LUZP2: variants seen among roughly 807,000 people sequenced by gnomAD.
LUZP2 encodes the protein leucine zipper protein 2.
In LUZP2, 52 loss-of-function variants were observed where a neutral mutation model predicts 51.6. The observed-to-expected ratio is 1.01, with a 90% CI of 0.81 to 1.27. The LOEUF (loss-of-function observed/expected upper bound fraction) is 1.27. Ranked by LOEUF, LUZP2 falls within the 50% of genes most tolerant of loss-of-function variation. The pLI is 0.00. For synonymous variants in LUZP2, 154 were observed against 137.3 expected (o/e 1.12, Z -0.85); for missense variants, 436 against 395.4 (o/e 1.10, Z -0.87).
chr11:24,706,073 A>T (rs1438906798), intron 1 of LUZP2, among the ~76,000 whole-genome samples: 1 of 152,182 alleles, frequency 6.6e-6, no homozygotes, highest in Non-Finnish European at 1.5e-5. Flanking sequence ...TGAGCTGTGC[A>T]GTGACTTCTA....
chr11:24,726,652 G>C (rs887011622), intron 1 of LUZP2, among the ~76,000 whole-genome samples: 6 of 151,748 alleles, frequency 4.0e-5, no homozygotes, highest in African/African-American at 1.5e-4. Flanking sequence ...ATTTTTAAGA[G>C]AGAAAGAAAA....
chr11:24,619,415 G>C (rs1242870382), intron 1 of LUZP2, among the ~76,000 whole-genome samples: 1 of 152,094 alleles, frequency 6.6e-6, no homozygotes, highest in East Asian at 1.9e-4. Context: ...CTTTAGAAAG[G>C]AGACCAGAAT....
At chr11:24,632,570 C>T (rs372527616) in intron 1 of LUZP2, among the ~76,000 whole-genome samples, 2 of 151,924 alleles carry the variant, frequency 1.3e-5, no homozygotes, top group African/African-American at 4.8e-5. Flanking sequence ...CAGAATTTTT[C>T]TTATGTAAAT....
chr11:24,606,510 A>G (rs1020869535), intron 1 of LUZP2, among the ~76,000 whole-genome samples: 3 of 152,052 alleles, frequency 2.0e-5, no homozygotes, highest in Non-Finnish European at 4.4e-5. Context: ...GACACTCACT[A>G]TCATATGAGT....
chr11:24,819,573 A>G (rs1477336459), intron 5 of LUZP2, among the ~76,000 whole-genome samples: 1 of 151,926 alleles, frequency 6.6e-6, no homozygotes, highest in Non-Finnish European at 1.5e-5. Context: ...TTTGAAATAT[A>G]TTTTTTACTG....
At chr11:24,663,329 C>T (rs533470210) in intron 1 of LUZP2, among the ~76,000 whole-genome samples, 36 of 152,240 alleles carry the variant, frequency 2.4e-4, no homozygotes, top group African/African-American at 8.7e-4. Context: ...CTTTCTCCTG[C>T]TCCATCATCA....
At chr11:24,893,808 T>C (rs1484619421) in intron 5 of LUZP2, among the ~76,000 whole-genome samples, 1 of 151,022 alleles carries the variant, frequency 6.6e-6, no homozygotes, top group Non-Finnish European at 1.5e-5. Context: ...ACGCACATGG[T>C]TTATTATTTT....
At chr11:25,046,823 C>G (rs1411627936) in intron 9 of LUZP2, among the ~76,000 whole-genome samples, 1 of 151,936 alleles carries the variant, frequency 6.6e-6, no homozygotes, top group Non-Finnish European at 1.5e-5. Flanking sequence ...AGATACAAAC[C>G]ATATATAGCA....
At chr11:24,568,355 G>T in intron 1 of LUZP2, among the ~76,000 whole-genome samples, 1 of 127,288 alleles carries the variant, frequency 7.9e-6, no homozygotes, top group Non-Finnish European at 1.6e-5. Flanking sequence ...ATCTGTCTCA[G>T]AAAAAAAAAA....
At chr11:25,007,544 A>C (rs560787801) in intron 9 of LUZP2, among the ~76,000 whole-genome samples, 47 of 152,250 alleles carry the variant, frequency 3.1e-4, no homozygotes, top group Non-Finnish European at 1.3e-4. Flanking sequence ...TAAAGGTTGC[A>C]GTGGGCCGAG....
intron 7 of LUZP2, among the ~76,000 whole-genome samples, chr11:24,921,841 C>T (rs1421642344): frequency 1.3e-5 from 2 of 151,892 alleles, no homozygotes; most frequent in African/African-American, 4.8e-5. Context: ...CAGAGGAGTA[C>T]CGTATATATT....
intron 10 of LUZP2, among the ~76,000 whole-genome samples, chr11:25,053,703 T>A (rs924777584): frequency 1.3e-5 from 2 of 152,138 alleles, no homozygotes; most frequent in Non-Finnish European, 2.9e-5. Context: ...CCAATTGCTG[T>A]CTTTTGGATT....
At chr11:25,022,924 T>G (rs942350246) in intron 9 of LUZP2, among the ~76,000 whole-genome samples, 1 of 152,190 alleles carries the variant, frequency 6.6e-6, no homozygotes, top group African/African-American at 2.4e-5. Flanking sequence ...TTTTTGTCTT[T>G]GGTTCTGTTT....
At chr11:25,033,944 C>T (rs4319471) in intron 9 of LUZP2, among the ~76,000 whole-genome samples, 57,652 of 151,844 alleles carry the variant, frequency 0.38, 13,298 homozygotes, top group East Asian at 0.77. Context: ...GATCTATCCC[C>T]AGTAATGGGA....
intron 9 of LUZP2, among the ~76,000 whole-genome samples, chr11:25,039,060 C>G (rs1857954733): frequency 1.3e-5 from 2 of 152,106 alleles, no homozygotes; most frequent in South Asian, 4.1e-4. Flanking sequence ...GAGAGGTAAC[C>G]CCCCTCACCA....
intron 10 of LUZP2, among the ~76,000 whole-genome samples, chr11:25,068,915 A>T (rs531906616): frequency 6.6e-6 from 1 of 152,040 alleles, no homozygotes; most frequent in South Asian, 2.1e-4. Flanking sequence ...ACTCTATCTC[A>T]AAAAACTTTA....
In LUZP2 at chr11:24,600,217, ACG is replaced by A. The variant is rs1227972081; in HGVS notation, c.62+102914_62+102915del. On this transcript the variant is annotated intron_variant, in intron 1 of 11. Transcript: ENST00000336930. The stretch of plus-strand genomic sequence containing the variant: ...CACACACACACACACACACACACAC[ACG>A]CACAATGGGGTAACATCATGTGAAG... 6.1e-3 allele frequency among the ~76,000 whole-genome samples: 833 copies of A among 136,088 alleles called. 10 individuals are homozygous for A. The highest frequency in any genetic ancestry group is 0.022 in the African/African-American group (764 of 35,436). The allele number at this position is 136,088 out of a possible 152,430, so 89.3% of individuals were successfully genotyped here. A position where few individuals can be genotyped will look rare whatever the true frequency, so the allele number is the denominator to read the frequency against.
intron 1 of LUZP2, among the ~76,000 whole-genome samples, chr11:24,612,772 A>G (rs1005144508): frequency 6.6e-6 from 1 of 152,110 alleles, no homozygotes; most frequent in East Asian, 1.9e-4. Context: ...TTCTCTGTGC[A>G]GACAGATTAT....
At chr11:24,634,663 C>A (rs1175857151) in intron 1 of LUZP2, among the ~76,000 whole-genome samples, 2 of 150,872 alleles carry the variant, frequency 1.3e-5, no homozygotes, top group Non-Finnish European at 2.9e-5. Flanking sequence ...GAGCAATAAA[C>A]TGACCATAGA....
Sources: gnomAD v4.1 joint callset for allele counts (sites outside exome capture counted in the v4.1 genomes callset) on GRCh38, gnomAD v4.1.1 for gene constraint, MANE v1.5 for transcripts, NCBI Gene and HGNC (gene_info 2026-07-23, HGNC 2026-07-21) for gene names.